Variants in SVEP1 observed in about 807,000 individuals in gnomAD.
SVEP1 encodes sushi, von Willebrand factor type A, EGF and pentraxin domain-containing protein 1.
A neutral mutation model predicts 367.3 loss-of-function variants in SVEP1; 164 were observed. The ratio of observed to expected loss-of-function variants is 0.45; its 90% CI spans 0.39 to 0.51. The LOEUF (loss-of-function observed/expected upper bound fraction) is 0.51, where lower values mean the gene tolerates loss of function less well. Ranked by LOEUF, SVEP1 falls within the 20% of genes least tolerant of loss-of-function variation. SVEP1 has a pLI of 0.00. For synonymous variants in SVEP1, 1,666 were observed against 1,611.6 expected, an observed-to-expected ratio of 1.03 and a Z score of -0.81; for missense variants, 4,117 against 4,425.3, an observed-to-expected ratio of 0.93 and a Z score of 1.98.
chr9:110,486,465 A>G (rs981004067), intron 9 of SVEP1, among the ~76,000 whole-genome samples: 4 of 152,160 alleles, frequency 2.6e-5, no homozygotes, highest in African/African-American at 9.7e-5. Context: ...ACTCTCATTT[A>G]TCATAAGGGT....
intron 13 of SVEP1, among the ~76,000 whole-genome samples, chr9:110,478,127 T>A (rs1315420554): frequency 6.6e-6 from 1 of 152,132 alleles, no homozygotes; most frequent in African/African-American, 2.4e-5. Flanking sequence ...GACTTTGCAC[T>A]TGCTACTCCC....
At chr9:110,379,006 C>T (rs1336225349) in intron 44 of SVEP1, among the ~76,000 whole-genome samples, 1 of 151,696 alleles carries the variant, frequency 6.6e-6, no homozygotes, top group African/African-American at 2.4e-5. Flanking sequence ...TACTAGCGTA[C>T]TTCTCGACTT....
At chr9:110,394,980 C>A (rs1827733200) in intron 40 of SVEP1, among the ~76,000 whole-genome samples, 2 of 152,140 alleles carry the variant, frequency 1.3e-5, no homozygotes, top group African/African-American at 2.4e-5. Context: ...GGCCAGCATT[C>A]AAATTCAAGA....
intron 8 of SVEP1, among the ~76,000 whole-genome samples, chr9:110,494,992 C>G (rs1048995577): frequency 6.6e-6 from 1 of 152,162 alleles, no homozygotes; most frequent in Non-Finnish European, 1.5e-5. Flanking sequence ...CTGGTCTGTT[C>G]ACTCTCCTTC....
At position 110,407,636 on chromosome 9, in the gene SVEP1, C is replaced by T. The variant is rs931729906; in HGVS notation, c.7964G>A (p.Gly2655Glu). Reference protein sequence around the residue: ...YVTPHPPYHLGAVAKTWENTK... With the variant: ...YVTPHPPYHLEAVAKTWENTK... The stretch of plus-strand genomic sequence containing the variant: ...ATTTTCCCAGGTTTTAGCCACTGCT[C>T]CCAAATGATAAGGAGGGTGAGGAGT... The change falls in exon 38 of 48, where the codon GGA (glycine) becomes GAA (glutamate). Residue 2655 changes from glycine to glutamate, a missense_variant. By Grantham distance (98) the Gly-to-Glu change is moderately conservative. Transcript: ENST00000374469. 1.9e-6 allele frequency: 3 copies of T among 1,613,834 alleles called. No individual in the cohort carries two copies. The African/African-American group carries it at 4.0e-5, about 22-fold the overall frequency.
chr9:110,573,566 A>AT (rs202223190), intron 1 of SVEP1, among the ~76,000 whole-genome samples: 22,563 of 148,336 alleles, frequency 0.15, 1,988 homozygotes, highest in East Asian at 0.24. Context: ...AGGAAAGCAG[A>AT]TTTTTTTTTT....
chr9:110,573,234 G>C (rs570146469), intron 1 of SVEP1, among the ~76,000 whole-genome samples: 8 of 151,782 alleles, frequency 5.3e-5, no homozygotes, highest in African/African-American at 1.9e-4. Flanking sequence ...GGGGCCATCA[G>C]AGAGACCACT....
chr9:110,572,236 T>G (rs1343961159), intron 1 of SVEP1, among the ~76,000 whole-genome samples: 1 of 152,254 alleles, frequency 6.6e-6, no homozygotes, highest in Non-Finnish European at 1.5e-5. Context: ...ACCCTCTCTA[T>G]GCACATTTGT....
chr9:110,541,126 T>A (rs1376869581), intron 3 of SVEP1, among the ~76,000 whole-genome samples: 1 of 152,162 alleles, frequency 6.6e-6, no homozygotes, highest in African/African-American at 2.4e-5. Flanking sequence ...GATTTCCTCA[T>A]CTTCCGAACG....
rs74665126 is a variant in SVEP1 at position 110,450,754 on chromosome 9, C to T, written c.3902-494G>A. Among the ~76,000 whole-genome samples, 164 of 152,054 alleles carry T rather than the reference C, an allele frequency of 1.1e-3. 1 individual carries two copies. In the East Asian group the frequency reaches 0.027, roughly 25 times the overall value. Reference sequence around the variant, plus strand: ...CCTCCCAAAATGCTGGGATTACAGGCGTGAACCACCATGCCCAGCCGATAA... The same window carrying T: ...CCTCCCAAAATGCTGGGATTACAGGTGTGAACCACCATGCCCAGCCGATAA... On this transcript the variant is annotated intron_variant, in intron 23 of 47. Transcript: ENST00000374469.
chr9:110,403,432 G>A (rs992376810), intron 39 of SVEP1, among the ~76,000 whole-genome samples: 11 of 149,374 alleles, frequency 7.4e-5, no homozygotes, highest in Non-Finnish European at 1.0e-4. Context: ...AGCCTCCCGA[G>A]TAGCTGGGAC....
chr9:110,560,082 A>T (rs1295300921), intron 1 of SVEP1, among the ~76,000 whole-genome samples: 1 of 152,182 alleles, frequency 6.6e-6, no homozygotes, highest in Non-Finnish European at 1.5e-5. Context: ...GACAGACCAC[A>T]TATACAACCG....
chr9:110,395,253 T>A (rs62571894), intron 40 of SVEP1, among the ~76,000 whole-genome samples: 23 of 151,904 alleles, frequency 1.5e-4, no homozygotes, highest in African/African-American at 3.4e-4. Flanking sequence ...AGCCAAACTA[T>A]GCTTCATAAG....
Position 110,472,266 on chromosome 9 carries a change from T to A in SVEP1, c.2657A>T (p.Asp886Val), listed in dbSNP as rs771455686. Reference protein sequence around the residue: ...RLDYSYDDFLDTVQETATSIG... With the variant: ...RLDYSYDDFLVTVQETATSIG... Reference sequence around the variant, plus strand: ...GCTTGTGGCTGTTTCTTGCACAGTGTCCAGGAAGTCATCGTAAGAGTAATC... The same window carrying A: ...GCTTGTGGCTGTTTCTTGCACAGTGACCAGGAAGTCATCGTAAGAGTAATC... The change falls in exon 15 of 48, where the codon GAC becomes GTC. Residue 886 changes from aspartate to valine, a missense_variant. Transcript: ENST00000374469. 4.3e-6 allele frequency: 7 copies of A among 1,612,386 alleles called. No homozygotes were observed. Among genetic ancestry groups the A allele is most frequent in the Non-Finnish European group, 5.9e-6 (7 of 1,179,534 alleles).
chr9:110,381,124 G>A (rs1827428122), intron 43 of SVEP1, among the ~76,000 whole-genome samples: 1 of 151,248 alleles, frequency 6.6e-6, no homozygotes, highest in African/African-American at 2.4e-5. Context: ...TTAGCTAGTG[G>A]TCTATTTTAT....
At chr9:110,435,067 A>T (rs1172700032) in intron 29 of SVEP1, among the ~76,000 whole-genome samples, 174 bp downstream of exon 29, 1 of 152,124 alleles carries the variant, frequency 6.6e-6, no homozygotes, top group African/African-American at 2.4e-5. Flanking sequence ...TTTTTGCATT[A>T]AAAAAACAAA....
chr9:110,564,385 A>T (rs1372512603), intron 1 of SVEP1, among the ~76,000 whole-genome samples: 1 of 152,240 alleles, frequency 6.6e-6, no homozygotes, highest in African/African-American at 2.4e-5. Context: ...TTTAGAACAC[A>T]TGAAAGACAT....
At chr9:110,485,865 C>A (rs534822596) in intron 9 of SVEP1, among the ~76,000 whole-genome samples, 34 of 152,320 alleles carry the variant, frequency 2.2e-4, no homozygotes, top group African/African-American at 8.2e-4. Context: ...AACTGAACTG[C>A]ACCTGTGAGA....
chr9:110,430,501 G>A, intron 32 of SVEP1, 51 bp from the exon 33 acceptor site: 1 of 1,533,048 alleles, frequency 6.5e-7, no homozygotes, highest in Non-Finnish European at 8.8e-7. Flanking sequence ...ACACAACCAT[G>A]CAAAGTCTCA....
Sources: gnomAD v4.1 joint callset for allele counts (sites outside exome capture counted in the v4.1 genomes callset) on GRCh38, gnomAD v4.1.1 for gene constraint, MANE v1.5 for transcripts, NCBI Gene and HGNC (gene_info 2026-07-23, HGNC 2026-07-21) for gene names.